BLVRA: variants seen among roughly 807,000 people sequenced by gnomAD.
BLVRA encodes the protein biliverdin reductase A.
In BLVRA, 22 loss-of-function variants were observed where a neutral mutation model predicts 32.8. The ratio of observed to expected loss-of-function variants is 0.67; its 90% CI spans 0.48 to 0.96. The LOEUF is 0.96. BLVRA is among the 40% of genes least tolerant of loss of function. The probability of loss-of-function intolerance (pLI) is 0.00; values close to 1 mark genes in which losing one functional copy is unlikely to be tolerated. For missense variants in BLVRA, 323 were observed against 358.1 expected (o/e 0.90, Z 0.79); for synonymous variants, 119 against 141.3 (o/e 0.84, Z 1.12).
At chr7:43,765,802 C>T (rs562647125) in intron 1 of BLVRA, among the ~76,000 whole-genome samples, 3 of 151,836 alleles carry the variant, frequency 2.0e-5, no homozygotes, top group South Asian at 2.1e-4. Context: ...GTCTGTGATA[C>T]AGCAGAAAAA....
chr7:43,776,257 C>G (rs2095760861), intron 2 of BLVRA, among the ~76,000 whole-genome samples: 1 of 151,972 alleles, frequency 6.6e-6, no homozygotes, highest in African/African-American at 2.4e-5. Context: ...TAGATCTTTC[C>G]TGCTTTCTCT....
chr7:43,760,452 C>G (rs776752924), intron 1 of BLVRA, among the ~76,000 whole-genome samples: 1 of 152,104 alleles, frequency 6.6e-6, no homozygotes, highest in Non-Finnish European at 1.5e-5. Context: ...AGGAGCTGCG[C>G]GCATTTTCAT....
intron 2 of BLVRA, among the ~76,000 whole-genome samples, chr7:43,786,149 A>G (rs1311581830): frequency 2.0e-5 from 3 of 152,204 alleles, no homozygotes; most frequent in Non-Finnish European, 4.4e-5. Flanking sequence ...GAAACTAACT[A>G]TAGCTATGAA....
At chr7:43,774,211 G>A (rs1365834330) in intron 2 of BLVRA, among the ~76,000 whole-genome samples, 2 of 152,158 alleles carry the variant, frequency 1.3e-5, no homozygotes, top group East Asian at 1.9e-4. Flanking sequence ...TGAAGTCCTT[G>A]CCCATGCCTA....
At chr7:43,781,142 CAA>C (rs1374000641) in intron 2 of BLVRA, among the ~76,000 whole-genome samples, 13 of 98,900 alleles carry the variant, frequency 1.3e-4, no homozygotes, top group Admixed American at 3.4e-4. Flanking sequence ...GACTCTGCCT[CAA>C]AAAAAAAAAA....
intron 1 of BLVRA, among the ~76,000 whole-genome samples, chr7:43,769,450 C>T (rs909901050): frequency 2.0e-5 from 3 of 152,064 alleles, no homozygotes; most frequent in African/African-American, 7.2e-5. Context: ...TAGTAGGTTC[C>T]CTTTTTCAGA....
In BLVRA at chr7:43,767,426, T is replaced by A. The variant is rs2095749439; in HGVS notation, c.-21-3712T>A. The A allele has an allele frequency of 2.5e-6, 4 of 1,581,284 alleles. No individual in the cohort carries two copies. In the African/African-American group the frequency reaches 4.0e-5, roughly 16 times the overall value. On this transcript the variant is annotated intron_variant, in intron 1 of 7. Coordinates refer to ENST00000265523, the MANE Select transcript of BLVRA (RefSeq NM_000712.4). ...ATCACTGTTCCTATCGGGTTATTTATATTTCACAACTAAATCTTATATATC... is the reference window on the plus strand; with the variant it reads ...ATCACTGTTCCTATCGGGTTATTTAAATTTCACAACTAAATCTTATATATC...
intron 5 of BLVRA, among the ~76,000 whole-genome samples, chr7:43,796,688 C>CA (rs1278313980): frequency 6.6e-6 from 1 of 151,986 alleles, no homozygotes. Context: ...GCAAAAAAAG[C>CA]AAAAAACAGA....
chr7:43,775,369 A>G (rs1221315290), intron 2 of BLVRA, among the ~76,000 whole-genome samples: 1 of 152,176 alleles, frequency 6.6e-6, no homozygotes, highest in Non-Finnish European at 1.5e-5. Flanking sequence ...AATTTTGTCA[A>G]GGGCCTTTTC....
chr7:43,784,731 G>A (rs954236608), intron 2 of BLVRA, among the ~76,000 whole-genome samples: 3 of 150,506 alleles, frequency 2.0e-5, no homozygotes, highest in African/African-American at 7.3e-5. Flanking sequence ...AGGCTACCAA[G>A]TAGCTGGGGT....
At chr7:43,802,814 TGC>T (rs1417717190) in intron 6 of BLVRA, among the ~76,000 whole-genome samples, 3 of 152,230 alleles carry the variant, frequency 2.0e-5, no homozygotes, top group African/African-American at 7.2e-5. Context: ...TTAGGCTTAC[TGC>T]AACCTCTGCC....
At chr7:43,776,464 C>A (rs188915335) in intron 2 of BLVRA, among the ~76,000 whole-genome samples, 1,790 of 152,292 alleles carry the variant, frequency 0.012, 27 homozygotes, top group African/African-American at 0.041. Context: ...GAGTGAGTTT[C>A]TTAATCCTGA....
chr7:43,766,156 G>A (rs922840718), intron 1 of BLVRA, among the ~76,000 whole-genome samples: 1 of 151,888 alleles, frequency 6.6e-6, no homozygotes, highest in Non-Finnish European at 1.5e-5. Context: ...TGTGGTGGTA[G>A]GCGCCTGTAA....
intron 1 of BLVRA, among the ~76,000 whole-genome samples, chr7:43,766,693 C>G (rs941697548): frequency 6.6e-6 from 1 of 152,074 alleles, no homozygotes; most frequent in Non-Finnish European, 1.5e-5. Context: ...TGCATCTTAT[C>G]GTAAGGGGGA....
intron 2 of BLVRA, among the ~76,000 whole-genome samples, chr7:43,778,746 T>C (rs2095764766): frequency 6.6e-6 from 1 of 152,260 alleles, no homozygotes. Flanking sequence ...GTCTGTGCCC[T>C]GCCCCCAGAG....
chr7:43,758,239 T>C (rs1171554356), upstream of BLVRA, among the ~76,000 whole-genome samples: 1 of 151,478 alleles, frequency 6.6e-6, no homozygotes, highest in Non-Finnish European at 1.5e-5. Context: ...GCCAGTTCAG[T>C]CGGCCCGGGG....
intron 4 of BLVRA, 126 bp downstream of exon 4, chr7:43,791,494 GACCA>G: frequency 4.9e-6 from 5 of 1,025,516 alleles, no homozygotes; most frequent in Non-Finnish European, 7.4e-6. Context: ...ATTGCTCTGT[GACCA>G]ATCACAGAAG....
intron 1 of BLVRA, among the ~76,000 whole-genome samples, chr7:43,763,408 G>A (rs1466625614): frequency 6.6e-6 from 1 of 152,184 alleles, no homozygotes; most frequent in Non-Finnish European, 1.5e-5. Context: ...GATGCTAAGA[G>A]TACAGTCAGC....
In BLVRA at chr7:43,803,337, C is replaced by T. The variant is rs117505673; in HGVS notation, c.461-339C>T. Among the ~76,000 whole-genome samples the T allele has an allele frequency of 4.6e-4, 70 of 151,488 alleles. 1 individual carries two copies. In the East Asian group the frequency reaches 0.013, roughly 29 times the overall value. On this transcript the variant is annotated intron_variant, in intron 6 of 7. Coordinates refer to ENST00000265523, the MANE Select transcript of BLVRA (RefSeq NM_000712.4). ...TGTGTGTGTGTGTGTGTATGTATAT[C>T]TACATATGTGTACATAGATGTATAT...
Sources: allele counts gnomAD v4.1 joint callset (sites outside exome capture counted in the v4.1 genomes callset), GRCh38; gene constraint gnomAD v4.1.1; transcripts MANE v1.5; gene names NCBI Gene and HGNC (gene_info 2026-07-23, HGNC 2026-07-21).